The following VPS45 variants were observed in gnomAD, a reference collection of about 807,000 sequenced individuals.
VPS45 encodes the protein vacuolar protein sorting 45 homolog.
In VPS45, 35 loss-of-function variants were observed where a neutral mutation model predicts 75.9. The ratio of observed to expected loss-of-function variants is 0.46; its 90% CI spans 0.35 to 0.61. The LOEUF (loss-of-function observed/expected upper bound fraction) is 0.61. VPS45 is among the 20% of genes least tolerant of loss of function. The pLI is 0.00. For synonymous variants in VPS45, 220 were observed against 238.2 expected, an observed-to-expected ratio of 0.92 and a Z score of 0.70; for missense variants, 559 against 685.9, an observed-to-expected ratio of 0.81 and a Z score of 2.07.
chr1:150,122,780 C>T (rs1307512266), intron 14 of VPS45, among the ~76,000 whole-genome samples: 1 of 151,868 alleles, frequency 6.6e-6, no homozygotes. Context: ...GGGTGGATCA[C>T]CTGAGGTCAG....
chr1:150,104,096 G>C (rs1317282209), intron 13 of VPS45, among the ~76,000 whole-genome samples: 1 of 151,674 alleles, frequency 6.6e-6, no homozygotes, highest in African/African-American at 2.4e-5. Flanking sequence ...TATTGTTTCC[G>C]AACACTTTAA....
At chr1:150,137,166 G>T (rs1325876707) in intron 14 of VPS45, among the ~76,000 whole-genome samples, 2 of 152,134 alleles carry the variant, frequency 1.3e-5, no homozygotes, top group East Asian at 3.9e-4. Flanking sequence ...CTCCCAAAGT[G>T]CAGGGATTAC....
intron 14 of VPS45, 25 bp from the exon 15 acceptor site, chr1:150,144,684 C>T: frequency 6.3e-7 from 1 of 1,583,026 alleles, no homozygotes; most frequent in Non-Finnish European, 8.6e-7. Context: ...TTTTTTCCTT[C>T]AAGTAACCTC....
chr1:150,102,542 T>C (rs77655640), intron 13 of VPS45, among the ~76,000 whole-genome samples: 4,861 of 44,236 alleles, frequency 0.11, 229 homozygotes, highest in African/African-American at 0.29. Context: ...AACGAAACTC[T>C]GTCTCAAAAA....
At chr1:150,075,906 C>G (rs373003769) in intron 3 of VPS45, among the ~76,000 whole-genome samples, 1 of 46,388 alleles carries the variant, frequency 2.2e-5, no homozygotes, top group South Asian at 9.9e-4. Flanking sequence ...TCCGCCACCA[C>G]GCCCAGCTAA....
At chr1:150,087,661 CA>C (rs1273906627) in intron 10 of VPS45, among the ~76,000 whole-genome samples, 1 of 152,084 alleles carries the variant, frequency 6.6e-6, no homozygotes, top group Non-Finnish European at 1.5e-5. Flanking sequence ...TCAAGGCAGA[CA>C]AAAAGGTCCT....
chr1:150,071,130 T>G (rs1056515916), intron 2 of VPS45, among the ~76,000 whole-genome samples: 5 of 152,142 alleles, frequency 3.3e-5, no homozygotes, highest in African/African-American at 1.2e-4. Flanking sequence ...TTTTTTTAAT[T>G]CTGTAAAGAA....
At position 150,134,562 on chromosome 1, in the gene VPS45, C is replaced by G. The variant is rs1463017015; in HGVS notation, c.1626-10147C>G. 2.0e-5 allele frequency among the ~76,000 whole-genome samples: 3 copies of G among 152,178 alleles called. No homozygotes were observed. In the East Asian group the frequency reaches 5.8e-4, roughly 29 times the overall value. On this transcript the variant is annotated intron_variant, in intron 14 of 14. Transcript: ENST00000644510. ...GCTAACCTAGATTTTGTATTTAATTCCCTTGCTTTGGTGGAAGAAGATTGT... is the reference window on the plus strand; with the variant it reads ...GCTAACCTAGATTTTGTATTTAATTGCCTTGCTTTGGTGGAAGAAGATTGT...
chr1:150,070,358 A>G (rs587603406), intron 2 of VPS45, among the ~76,000 whole-genome samples: 9 of 152,230 alleles, frequency 5.9e-5, no homozygotes, highest in Admixed American at 5.9e-4. Flanking sequence ...ATAGTTTCCA[A>G]TTGTTTCATG....
rs1458791245 is a variant in VPS45 at position 150,072,948 on chromosome 1, T to A, written c.289+722T>A. Among the ~76,000 whole-genome samples the A allele has an allele frequency of 5.3e-5, 8 of 152,272 alleles. No homozygotes were observed. In the South Asian group the frequency reaches 1.7e-3, roughly 32 times the overall value. On this transcript the variant is annotated intron_variant, in intron 3 of 14. Coordinates refer to ENST00000644510, the MANE Select transcript of VPS45 (RefSeq NM_007259.5). ...TGGAAAAGCAGAAATTTACTTTACATACCAGATAAAAGCCTTTCACTTCTC... is the reference window on the plus strand; with the variant it reads ...TGGAAAAGCAGAAATTTACTTTACAAACCAGATAAAAGCCTTTCACTTCTC...
chr1:150,121,569 A>G (rs1320186141), intron 14 of VPS45, among the ~76,000 whole-genome samples: 1 of 152,088 alleles, frequency 6.6e-6, no homozygotes, highest in Non-Finnish European at 1.5e-5. Context: ...TATTAGCCAG[A>G]TATATATTTA....
At chr1:150,133,951 G>C (rs587748235) in intron 14 of VPS45, among the ~76,000 whole-genome samples, 21 of 152,280 alleles carry the variant, frequency 1.4e-4, no homozygotes, top group Admixed American at 9.8e-4. Context: ...CAATAAGAGA[G>C]GAAATAGTGC....
In VPS45 at chr1:150,111,984, T is replaced by C. The variant is rs111467068; in HGVS notation, c.1625+1357T>C. 5.3e-5 allele frequency among the ~76,000 whole-genome samples: 8 copies of C among 152,298 alleles called. 1 individual carries two copies. Among genetic ancestry groups the C allele is most frequent in the African/African-American group, 1.9e-4 (8 of 41,568 alleles). On this transcript the variant is annotated intron_variant, in intron 14 of 14. Coordinates refer to ENST00000644510, the MANE Select transcript of VPS45 (RefSeq NM_007259.5). Reference sequence around the variant, plus strand: ...ATTCATTCATTAAACAAATATTTACTGGATAAGATTTCTTGGGTTTGAATC... The same window carrying C: ...ATTCATTCATTAAACAAATATTTACCGGATAAGATTTCTTGGGTTTGAATC...
intron 13 of VPS45, chr1:150,099,134 T>G (rs1656827165): frequency 1.1e-6 from 1 of 898,752 alleles, no homozygotes; most frequent in Admixed American, 5.9e-5. Context: ...CTCCACAAAA[T>G]AGATAAAATG....
intron 14 of VPS45, among the ~76,000 whole-genome samples, chr1:150,141,762 C>T (rs1659402805): frequency 6.6e-6 from 1 of 152,132 alleles, no homozygotes; most frequent in South Asian, 2.1e-4. Flanking sequence ...GTGTATCTGT[C>T]TCTGAGAGTC....
At chr1:150,108,969 A>G (rs587666341) in intron 13 of VPS45, among the ~76,000 whole-genome samples, 9 of 152,246 alleles carry the variant, frequency 5.9e-5, no homozygotes, top group African/African-American at 2.2e-4. Context: ...ACACTTTACC[A>G]TAACACCCTC....
intron 3 of VPS45, among the ~76,000 whole-genome samples, chr1:150,074,489 T>G (rs1194491203): frequency 1.3e-5 from 2 of 152,228 alleles, no homozygotes; most frequent in African/African-American, 4.8e-5. Context: ...TATGAGTTAT[T>G]TCCAGTTTTG....
intron 13 of VPS45, 95 bp downstream of exon 13, chr1:150,093,743 T>C: frequency 7.0e-7 from 1 of 1,425,326 alleles, no homozygotes; most frequent in Non-Finnish European, 9.4e-7. Context: ...GGTTATAGCA[T>C]TCTGCTGCTC....
chr1:150,115,576 T>A (rs1423514802), intron 14 of VPS45, among the ~76,000 whole-genome samples: 2 of 152,220 alleles, frequency 1.3e-5, no homozygotes, highest in East Asian at 3.8e-4. Flanking sequence ...TGAGTTATCT[T>A]AAGAAGGATT....
Sources: allele counts gnomAD v4.1 joint callset (sites outside exome capture counted in the v4.1 genomes callset), GRCh38; gene constraint gnomAD v4.1.1; transcripts MANE v1.5; gene names NCBI Gene and HGNC (gene_info 2026-07-23, HGNC 2026-07-21).